The following ARID1A variants were observed in gnomAD, a reference collection of about 807,000 sequenced individuals.
ARID1A encodes the protein AT-rich interaction domain 1A, also known as AT-rich interactive domain-containing protein 1A.
ARID1A carries 20 observed loss-of-function variants against 212.6 expected under a neutral mutation model. The observed-to-expected ratio is 0.09, with a 90% confidence interval of 0.07 to 0.14. The LOEUF (loss-of-function observed/expected upper bound fraction) is 0.14. Among genes scored for constraint, ARID1A ranks in the 10% least tolerant of loss-of-function variants. ARID1A has a pLI of 1.00. For missense variants in ARID1A, 2,587 were observed against 3,059.0 expected (o/e 0.85, Z 3.64); for synonymous variants, 1,376 against 1,222.1 (o/e 1.13, Z -2.63).
At position 26,781,458 on chromosome 1, in the gene ARID1A, A is replaced by AG. The variant is rs1164141784; in HGVS notation, c.*703dup. 2 of 232,650 alleles carry AG rather than the reference A, an allele frequency of 8.6e-6. No individual in the cohort carries two copies. Among genetic ancestry groups the AG allele is most frequent in the Non-Finnish European group, 8.5e-6 (1 of 117,698 alleles). 14.4% of individuals were successfully genotyped at this position (232,650 alleles called of 1,614,324 possible). A position where few individuals can be genotyped will look rare whatever the true frequency, so the allele number is the denominator to read the frequency against. ...AAATGTTTTTAGTTAAACGTTGAGG[A>AG]GAAAAAAAAAAAAGGCTTTTCCCCC... On this transcript the variant is annotated 3_prime_UTR_variant, in exon 20 of 20. Coordinates refer to ENST00000324856, the MANE Select transcript of ARID1A (RefSeq NM_006015.6).
chr1:26,782,022 TAATG>T lies in ARID1A; in HGVS notation c.*1270_*1273del, dbSNP rs537890755. ...TCCTCCTTTTTTTCCTTTTTTGGCTTAATGAATATCATTTATTCAGTATGAAATC... is the reference window on the plus strand; with the variant it reads ...TCCTCCTTTTTTTCCTTTTTTGGCTTAATATCATTTATTCAGTATGAAATC... On this transcript the variant is annotated 3_prime_UTR_variant, in exon 20 of 20. Coordinates refer to ENST00000324856, the MANE Select transcript of ARID1A (RefSeq NM_006015.6). 163 of 232,670 alleles carry T rather than the reference TAATG, an allele frequency of 7.0e-4. No individual in the cohort carries two copies. Among genetic ancestry groups the T allele is most frequent in the Admixed American group, 5.3e-3 (95 of 17,778 alleles). 14.4% of individuals were successfully genotyped at this position (232,670 alleles called of 1,614,324 possible).
rs769180483 is a variant in ARID1A at position 26,731,442 on chromosome 1, C to T, written c.1641C>T (p.Ser547=). 5.0e-6 allele frequency: 8 copies of T among 1,613,808 alleles called. No homozygotes were observed. In the Admixed American group the frequency reaches 1.3e-4, roughly 27 times the overall value. Reference sequence around the variant, plus strand: ...CGACGACACAGCAGCACCCCCAGAGCCAGCCCCCCTACTCACAGCCACAGG... The same window carrying T: ...CGACGACACAGCAGCACCCCCAGAGTCAGCCCCCCTACTCACAGCCACAGG... ...QQSTTQQHPQ[S]QPPYSQPQAQ... The change falls in exon 3 of 20, where the codon AGC becomes AGT. Residue 547 remains serine (S), a synonymous_variant. Transcript: ENST00000324856.
intron 1 of ARID1A, among the ~76,000 whole-genome samples, chr1:26,711,278 A>T (rs1422377538): frequency 6.6e-6 from 1 of 151,236 alleles, no homozygotes; most frequent in Admixed American, 6.6e-5. Context: ...GGCTAATTTT[A>T]TTTATTTATT....
intron 1 of ARID1A, among the ~76,000 whole-genome samples, chr1:26,706,796 C>A (rs956258719): frequency 3.3e-5 from 5 of 152,152 alleles, no homozygotes; most frequent in African/African-American, 1.2e-4. Context: ...TTCTCTTGCC[C>A]TTTGGACAAC....
At position 26,696,885 on chromosome 1, in the gene ARID1A, TCGCCGC is replaced by T. The variant is rs759913677; in HGVS notation, c.489_494del (p.Ala166_Ala167del). 5.1e-5 allele frequency: 69 copies of T among 1,348,618 alleles called. No homozygotes were observed. Among genetic ancestry groups the T allele is most frequent in the African/African-American group, 9.5e-5 (6 of 63,242 alleles). 83.5% of individuals were successfully genotyped at this position (1,348,618 alleles called of 1,614,324 possible). On this transcript the variant is annotated inframe_deletion, in exon 1 of 20. Transcript: ENST00000324856. ...CCCTACGGCCGGAGCCCGTCTGCCG[TCGCCGC>T]CGCCGCGGCCGCCGTCTTCCACCAA...
At chr1:26,716,188 A>G (rs965756606) in intron 1 of ARID1A, among the ~76,000 whole-genome samples, 1 of 149,430 alleles carries the variant, frequency 6.7e-6, no homozygotes, top group South Asian at 2.1e-4. Context: ...CCTGGGTAAC[A>G]GCGAGATTCC....
intron 7 of ARID1A, 48 bp from the exon 8 acceptor site, chr1:26,762,925 G>T: frequency 6.8e-7 from 1 of 1,471,024 alleles, no homozygotes; most frequent in African/African-American, 1.4e-5. Context: ...AGATATTAGT[G>T]AGTTGCTAGT....
chr1:26,757,957 C>T (rs186528328), intron 4 of ARID1A, among the ~76,000 whole-genome samples: 29 of 152,290 alleles, frequency 1.9e-4, no homozygotes, highest in Middle Eastern at 3.4e-3. Context: ...TTTTTCAAAG[C>T]GATTTGAACT....
At chr1:26,764,713 T>C (rs758943147) in intron 8 of ARID1A, 1 of 152,210 alleles carries the variant, frequency 6.6e-6, no homozygotes, top group Non-Finnish European at 1.5e-5. Flanking sequence ...CTGGGTGCTA[T>C]GCTGAGGGTT....
intron 11 of ARID1A, chr1:26,769,489 G>C (rs141554546): frequency 4.6e-5 from 7 of 152,236 alleles, no homozygotes; most frequent in African/African-American, 1.4e-4. Context: ...GACTGGCCTA[G>C]ATGCCACGGA....
chr1:26,715,165 TTTTATC>T lies in ARID1A; in HGVS notation c.1138-14480_1138-14475del, dbSNP rs150417947. 9.1e-3 allele frequency among the ~76,000 whole-genome samples: 1,387 copies of T among 152,282 alleles called. 12 individuals carry two copies. Among genetic ancestry groups the T allele is most frequent in the African/African-American group, 0.031 (1,302 of 41,540 alleles). On this transcript the variant is annotated intron_variant, in intron 1 of 19. Transcript: ENST00000324856. ...TTGAAGTTTTGTGGCTAGGGGCAGT[TTTTATC>T]TTTATTTACTTTGTTTATTTGTTTG... is the stretch of plus-strand genomic sequence containing the variant.
intron 1 of ARID1A, among the ~76,000 whole-genome samples, chr1:26,714,936 A>G (rs2080487894): frequency 1.3e-5 from 2 of 152,344 alleles, no homozygotes; most frequent in Admixed American, 6.5e-5. Flanking sequence ...ATGTACAAGC[A>G]TGATGACAAA....
At chr1:26,707,126 T>C (rs573462409) in intron 1 of ARID1A, among the ~76,000 whole-genome samples, 19 of 151,368 alleles carry the variant, frequency 1.3e-4, no homozygotes, top group Non-Finnish European at 2.8e-4. Flanking sequence ...CTCCGCCTCC[T>C]GGGTTCAAGG....
chr1:26,732,200 AT>A (rs1454618359), intron 3 of ARID1A, among the ~76,000 whole-genome samples: 1 of 152,182 alleles, frequency 6.6e-6, no homozygotes, highest in Non-Finnish European at 1.5e-5. Flanking sequence ...CTAAAATAGC[AT>A]TTGGGGCTTT....
chr1:26,696,342 TGGGAGGGGG>T lies in ARID1A; in HGVS notation c.-59_-51del. ...CGGGGGACTGGGCCCCGGGGCGGGG[TGGGAGGGGG>T]GGAGAAGACGAAGACAGGGCCGGGT... On this transcript the variant is annotated 5_prime_UTR_variant, in exon 1 of 20. Coordinates refer to ENST00000324856, the MANE Select transcript of ARID1A (RefSeq NM_006015.6). The T allele has an allele frequency of 1.2e-6, 1 of 813,826 alleles. No individual in the cohort carries two copies. Among genetic ancestry groups the T allele is most frequent in the East Asian group, 8.4e-5 (1 of 11,870 alleles). The allele number at this position is 813,826 out of a possible 1,614,324, so 50.4% of individuals were successfully genotyped here.
Position 26,774,566 on chromosome 1 carries a change from C to T in ARID1A, c.4339C>T (p.Pro1447Ser), listed in dbSNP as rs1463501284. ...TGCCACAGCTGCTACTGAGCGCCGA[C>T]CAGCAGGCGGCCCCCAGAACCAATT... Reference protein sequence around the residue: ...ATATAATERRPAGGPQNQFPF... With the variant: ...ATATAATERRSAGGPQNQFPF... Residue 1447 changes from proline (P) to serine (S), a missense_variant, in exon 18 of 20, where the codon CCA (proline) becomes TCA (serine). By Grantham distance (74) the Pro-to-Ser change is moderately conservative. Coordinates refer to ENST00000324856, the MANE Select transcript of ARID1A (RefSeq NM_006015.6). The surrounding 1 kb of genome is among the most constrained non-coding windows in gnomAD (Gnocchi z 5.6). 6.2e-7 allele frequency: 1 copy of T among 1,614,210 alleles called. No individual in the cohort carries two copies. Among genetic ancestry groups the T allele is most frequent in the Non-Finnish European group, 8.5e-7 (1 of 1,180,016 alleles).
rs529918371 is a variant in ARID1A, at chr1:26,712,302, T to C, written c.1137+14762T>C. Among the ~76,000 whole-genome samples, 8 of 152,284 alleles carry C rather than the reference T, an allele frequency of 5.3e-5. No individual in the cohort carries two copies. The South Asian group carries it at 1.7e-3, about 32-fold the overall frequency. On this transcript the variant is annotated intron_variant, in intron 1 of 19. Coordinates refer to ENST00000324856, the MANE Select transcript of ARID1A (RefSeq NM_006015.6). ...CACAGTAAGCCTTTATTGACCTCTC[T>C]CCCTCACCCCCTACTTCTTAGTGGC...
At position 26,744,948 on chromosome 1, in the gene ARID1A, C is replaced by G. The variant is rs111729452; in HGVS notation, c.1920+12156C>G. ...TGTATTTAAAGGCCTAAGGCTCCCC[C>G]CTCTTGCCCATTTCCTACAAAAAAT... On this transcript the variant is annotated intron_variant, in intron 4 of 19. Coordinates refer to ENST00000324856, the MANE Select transcript of ARID1A (RefSeq NM_006015.6). 4.6e-5 allele frequency among the ~76,000 whole-genome samples: 7 copies of G among 152,256 alleles called. 1 individual carries two copies. Among genetic ancestry groups the G allele is most frequent in the African/African-American group, 1.4e-4 (6 of 41,560 alleles).
intron 1 of ARID1A, among the ~76,000 whole-genome samples, chr1:26,726,994 C>CAT (rs2080625381): frequency 6.6e-6 from 1 of 152,216 alleles, no homozygotes. Context: ...TTGCATAGAG[C>CAT]TGGGCATGTA....
Sources: gnomAD v4.1 joint callset for allele counts (sites outside exome capture counted in the v4.1 genomes callset) on GRCh38, gnomAD v4.1.1 for gene constraint, Gnocchi (gnomAD v3.1) non-coding constraint, MANE v1.5 for transcripts, NCBI Gene and HGNC (gene_info 2026-07-23, HGNC 2026-07-21) for gene names.